TMEM14C: variants seen among roughly 807,000 people sequenced by gnomAD.
TMEM14C encodes the protein chromosome 6 open reading frame 53.
TMEM14C carries 13 observed loss-of-function variants against 14.8 expected under a neutral mutation model. That is an observed-to-expected ratio of 0.88 (90% confidence interval 0.57 to 1.40). The LOEUF is 1.40. Ranked by LOEUF, TMEM14C falls within the 40% of genes most tolerant of loss-of-function variation. The pLI, the probability that TMEM14C is intolerant of heterozygous loss-of-function variation, is 0.00. For synonymous variants in TMEM14C, 57 were observed against 51.3 expected (o/e 1.11, Z -0.48); for missense variants, 142 against 138.8 (o/e 1.02, Z -0.12).
At position 10,730,755 on chromosome 6, in the gene TMEM14C, A is replaced by G. The variant is rs1042473920; in HGVS notation, c.*89A>G. 72 of 1,453,254 alleles carry G rather than the reference A, an allele frequency of 5.0e-5. No individual in the cohort carries two copies. The highest frequency in any genetic ancestry group is 5.9e-5 in the Non-Finnish European group (65 of 1,093,546). 90.0% of individuals were successfully genotyped at this position (1,453,254 alleles called of 1,614,324 possible). A position where few individuals can be genotyped will look rare whatever the true frequency, so the allele number is the denominator to read the frequency against. On this transcript the variant is annotated 3_prime_UTR_variant, in exon 6 of 6. Coordinates refer to ENST00000229563, the MANE Select transcript of TMEM14C (RefSeq NM_016462.4). The stretch of plus-strand genomic sequence containing the variant: ...ATATATTAAGAGAAATAAGTGCAGC[A>G]TTTTTGCATCTGACATTTTACCTAA...
intron 1 of TMEM14C, 194 bp from the exon 2 acceptor site, chr6:10,724,376 G>C (rs913932277): frequency 5.4e-6 from 3 of 555,524 alleles, no homozygotes; most frequent in Non-Finnish European, 9.6e-6. Flanking sequence ...GGTTTACTAG[G>C]TGCTAAGCAC....
chr6:10,727,007 C>T (rs561941552), intron 4 of TMEM14C, among the ~76,000 whole-genome samples: 1 of 152,278 alleles, frequency 6.6e-6, no homozygotes, highest in East Asian at 1.9e-4. Flanking sequence ...GGTCCCAGCT[C>T]TGCCTAACAG....
Position 10,723,113 on chromosome 6 carries a change from A to C in TMEM14C, c.-173A>C, listed in dbSNP as rs950272867. ...TCCCGGTACACTGCGCAGGCACAAC[A>C]GAGCCGCTCCCCTCTCCTCGCCCCG... is the stretch of plus-strand genomic sequence containing the variant. On this transcript the variant is annotated 5_prime_UTR_variant, in exon 1 of 6. Transcript: ENST00000229563. 6.6e-6 allele frequency: 1 copy of C among 152,270 alleles called. No individual in the cohort carries two copies. Among genetic ancestry groups the C allele is most frequent in the Non-Finnish European group, 1.5e-5 (1 of 68,088 alleles). 9.4% of individuals were successfully genotyped at this position (152,270 alleles called of 1,614,324 possible).
intron 2 of TMEM14C, 21 bp downstream of exon 2, chr6:10,724,654 T>C (rs370607391): frequency 6.2e-7 from 1 of 1,610,724 alleles, no homozygotes; most frequent in East Asian, 2.2e-5. Context: ...TAAATGGGTA[T>C]GGAGTAGCCA....
intron 5 of TMEM14C, among the ~76,000 whole-genome samples, chr6:10,730,095 T>A (rs995355451): frequency 6.6e-6 from 1 of 152,000 alleles, no homozygotes; most frequent in African/African-American, 2.4e-5. Flanking sequence ...TGAGTGAGAC[T>A]CCATCTGAAA....
intron 4 of TMEM14C, among the ~76,000 whole-genome samples, chr6:10,726,748 C>T (rs573062760): frequency 3.3e-5 from 5 of 152,304 alleles, no homozygotes; most frequent in South Asian, 2.1e-4. Flanking sequence ...GTAAGCAGCA[C>T]GGACAGTGAG....
At chr6:10,728,758 T>C (rs1256541339) in intron 5 of TMEM14C, 31 bp downstream of exon 5, 13 of 1,614,014 alleles carry the variant, frequency 8.1e-6, no homozygotes, top group South Asian at 4.4e-5. Context: ...TTCTTTACCA[T>C]GTAGAGTTCA....
Position 10,728,574 on chromosome 6 carries a change from C to T in TMEM14C, c.200-66C>T, listed in dbSNP as rs914606439. ...CTTGAGAGATGGGTGGGGCTTGGCC[C>T]ACTTCTGATTCCCCTGCGTAGAAGA... On this transcript the variant is annotated intron_variant, in intron 4 of 5. Coordinates refer to ENST00000229563, the MANE Select transcript of TMEM14C (RefSeq NM_016462.4). 5 of 1,546,494 alleles carry T rather than the reference C, an allele frequency of 3.2e-6. No homozygotes were observed. In the Admixed American group the frequency reaches 6.8e-5, roughly 21 times the overall value.
chr6:10,724,736 T>C lies in TMEM14C; in HGVS notation c.20+103T>C, dbSNP rs1036110641. ...TAAGAGTAGACTGCCTGGGATGGCA[T>C]GGGGGATGGGAGGATCACTGGACCT... On this transcript the variant is annotated intron_variant, in intron 2 of 5. Transcript: ENST00000229563. 22 of 1,368,488 alleles carry C rather than the reference T, an allele frequency of 1.6e-5. No individual in the cohort carries two copies. The African/African-American group carries it at 2.7e-4, about 17-fold the overall frequency. The allele number at this position is 1,368,488 out of a possible 1,614,324, so 84.8% of individuals were successfully genotyped here.
Position 10,723,553 on chromosome 6 carries a change from C to A in TMEM14C, c.-45+312C>A, listed in dbSNP as rs932478140. ...TCGAGTTAAGAACTGTGGGCAAGAT[C>A]CCAAGCCCGCTGCCCTTCCCTGTTT... On this transcript the variant is annotated intron_variant, in intron 1 of 5. Coordinates refer to ENST00000229563, the MANE Select transcript of TMEM14C (RefSeq NM_016462.4). 9.2e-5 allele frequency among the ~76,000 whole-genome samples: 14 copies of A among 151,912 alleles called. No individual in the cohort carries two copies. The South Asian group carries it at 2.3e-3, about 25-fold the overall frequency.
In TMEM14C at chr6:10,730,964, G is replaced by T. The variant is rs1490307394; in HGVS notation, c.*298G>T. 22 of 1,046,102 alleles carry T rather than the reference G, an allele frequency of 2.1e-5. No homozygotes were observed. Among genetic ancestry groups the T allele is most frequent in the Non-Finnish European group, 2.5e-5 (22 of 869,638 alleles). 64.8% of individuals were successfully genotyped at this position (1,046,102 alleles called of 1,614,324 possible). On this transcript the variant is annotated 3_prime_UTR_variant, in exon 6 of 6. Transcript: ENST00000229563. ...CTCAAGGGTAAAATGTTAGGTGTCA[G>T]CTTTCAGGGCTCTGAAACCCCATTC...
At chr6:10,726,121 T>C in intron 4 of TMEM14C, 113 bp downstream of exon 4, 1 of 1,159,092 alleles carries the variant, frequency 8.6e-7, no homozygotes, top group Admixed American at 2.0e-5. Flanking sequence ...TTACGACAAT[T>C]TCACTGCTTC....
intron 5 of TMEM14C, among the ~76,000 whole-genome samples, chr6:10,730,030 G>A (rs1363660086): frequency 2.0e-5 from 3 of 152,134 alleles, no homozygotes; most frequent in African/African-American, 2.4e-5. Context: ...CCTGGGAGAC[G>A]GAGGTTGCAG....
chr6:10,726,070 AC>A (rs1770851643), intron 4 of TMEM14C, 62 bp downstream of exon 4: 4 of 1,596,120 alleles, frequency 2.5e-6, no homozygotes, highest in African/African-American at 1.3e-5. Flanking sequence ...TTTCCAAAAG[AC>A]CCTGGTTTGG....
chr6:10,725,837 G>A (rs371212645), intron 3 of TMEM14C, 70 bp from the exon 4 acceptor site: 62 of 1,592,222 alleles, frequency 3.9e-5, no homozygotes, highest in African/African-American at 1.3e-4. Flanking sequence ...GTAGGGCAGC[G>A]GTCTGGGGGA....
chr6:10,723,143 C>G lies in TMEM14C; in HGVS notation c.-143C>G, dbSNP rs1770731862. On this transcript the variant is annotated 5_prime_UTR_variant, in exon 1 of 6. Transcript: ENST00000229563. ...CGCTCCCCTCTCCTCGCCCCGCCAC[C>G]GGGACGGAGAGCGCCCGCCGCTGCA... 1 of 152,368 alleles carries G rather than the reference C, an allele frequency of 6.6e-6. No homozygotes were observed. Among genetic ancestry groups the G allele is most frequent in the Non-Finnish European group, 1.5e-5 (1 of 68,146 alleles). The allele number at this position is 152,368 out of a possible 1,614,324, so 9.4% of individuals were successfully genotyped here.
In TMEM14C at chr6:10,729,869, G is replaced by A. The variant is rs559051219; in HGVS notation, c.288-746G>A. Among the ~76,000 whole-genome samples the A allele has an allele frequency of 1.1e-4, 17 of 151,934 alleles. No homozygotes were observed. The South Asian group carries it at 2.9e-3, about 26-fold the overall frequency. On this transcript the variant is annotated intron_variant, in intron 5 of 5. Transcript: ENST00000229563. ...TCCCAGCACTTTGGGAGGCCAGAGC[G>A]GGCGGATCACTTGAGGTCAGGAGTT...
chr6:10,723,401 A>T (rs1308975572), intron 1 of TMEM14C, among the ~76,000 whole-genome samples, 160 bp downstream of exon 1: 1 of 151,972 alleles, frequency 6.6e-6, no homozygotes, highest in Non-Finnish European at 1.5e-5. Context: ...CTTTTAAAAG[A>T]AGTTGTGGAT....
chr6:10,726,607 T>C (rs1247610540), intron 4 of TMEM14C, among the ~76,000 whole-genome samples: 1 of 152,090 alleles, frequency 6.6e-6, no homozygotes. Flanking sequence ...GGAGAATCAC[T>C]TGAACCTGGG....
Sources: allele counts gnomAD v4.1 joint callset (sites outside exome capture counted in the v4.1 genomes callset), GRCh38; gene constraint gnomAD v4.1.1; transcripts MANE v1.5; gene names NCBI Gene and HGNC (gene_info 2026-07-23, HGNC 2026-07-21).